The following HUS1 variants were observed in gnomAD, a reference collection of about 807,000 sequenced individuals.
HUS1 encodes checkpoint protein HUS1.
In HUS1, 31 loss-of-function variants were observed where a neutral mutation model predicts 32.6. The ratio of observed to expected loss-of-function variants is 0.95; its 90% CI spans 0.72 to 1.28. The LOEUF is 1.28. Among genes scored for constraint, HUS1 ranks in the 50% most tolerant of loss-of-function variants. The probability of loss-of-function intolerance (pLI) is 0.00; values close to 1 mark genes in which losing one functional copy is unlikely to be tolerated. For missense variants in HUS1, 340 were observed against 337.7 expected, an observed-to-expected ratio of 1.01 and a Z score of -0.05; for synonymous variants, 123 against 116.6, an observed-to-expected ratio of 1.06 and a Z score of -0.36.
chr7:47,975,210 C>A (rs938122233), intron 5 of HUS1, among the ~76,000 whole-genome samples: 3 of 149,874 alleles, frequency 2.0e-5, no homozygotes, highest in African/African-American at 7.4e-5. Flanking sequence ...CCCAGCTACT[C>A]GGGAGGCTGA....
intron 7 of HUS1, among the ~76,000 whole-genome samples, chr7:47,967,224 C>A (rs1180011375): frequency 6.6e-6 from 1 of 152,156 alleles, no homozygotes; most frequent in Non-Finnish European, 1.5e-5. Context: ...AAGCTCTTGG[C>A]AGGTAATGCC....
intron 4 of HUS1, chr7:47,976,517 C>T (rs983557982): frequency 1.6e-5 from 10 of 609,772 alleles, no homozygotes; most frequent in Admixed American, 4.3e-5. Context: ...TGTTACTGAG[C>T]GAGACATTTT....
At chr7:47,972,336 TTG>T (rs1179799701) in intron 5 of HUS1, among the ~76,000 whole-genome samples, 1 of 152,230 alleles carries the variant, frequency 6.6e-6, no homozygotes, top group African/African-American at 2.4e-5. Flanking sequence ...AAATGTTCTC[TTG>T]TGTTTTCTTC....
chr7:47,963,648 C>A lies in HUS1; in HGVS notation c.*1708G>T, dbSNP rs775231624. ...AACATAGGCCAGGCGTGGTGGCTCACGCCTGTAATCCCAGCACTTTGAGAG... is the reference window on the plus strand; with the variant it reads ...AACATAGGCCAGGCGTGGTGGCTCAAGCCTGTAATCCCAGCACTTTGAGAG... On this transcript the variant is annotated 3_prime_UTR_variant, in exon 8 of 8. Transcript: ENST00000258774. 6.6e-6 allele frequency: 1 copy of A among 152,178 alleles called. No individual in the cohort carries two copies. The highest frequency in any genetic ancestry group is 1.5e-5 in the Non-Finnish European group (1 of 68,040). The allele number at this position is 152,178 out of a possible 1,614,324, so 9.4% of individuals were successfully genotyped here.
intron 5 of HUS1, among the ~76,000 whole-genome samples, chr7:47,972,232 C>G (rs1378816265): frequency 2.0e-5 from 3 of 152,122 alleles, no homozygotes. Context: ...TCTGTAAATT[C>G]CCATTGTTTT....
chr7:47,966,775 T>C (rs1235111799), intron 7 of HUS1, among the ~76,000 whole-genome samples: 1 of 152,202 alleles, frequency 6.6e-6, no homozygotes, highest in African/African-American at 2.4e-5. Context: ...CCTAGAAATA[T>C]GACATCGTCC....
At chr7:47,974,220 G>A (rs973194896) in intron 5 of HUS1, among the ~76,000 whole-genome samples, 2 of 152,196 alleles carry the variant, frequency 1.3e-5, no homozygotes, top group Non-Finnish European at 2.9e-5. Context: ...GCTGCCTACT[G>A]AGTGGCAATC....
At chr7:47,968,245 C>T (rs1788522442) in intron 6 of HUS1, among the ~76,000 whole-genome samples, 4 of 151,606 alleles carry the variant, frequency 2.6e-5, no homozygotes, top group African/African-American at 7.3e-5. Flanking sequence ...TTAACTAATA[C>T]AAGGCCTGTC....
At chr7:47,971,540 G>A (rs1456085864) in intron 5 of HUS1, 1 of 456,754 alleles carries the variant, frequency 2.2e-6, no homozygotes, top group Non-Finnish European at 4.4e-6. Context: ...ATATGCCACA[G>A]TATGGTTTGA....
At chr7:47,973,178 G>A (rs1037066524) in intron 5 of HUS1, among the ~76,000 whole-genome samples, 2 of 152,324 alleles carry the variant, frequency 1.3e-5, no homozygotes, top group African/African-American at 2.4e-5. Context: ...ACAGGACTGT[G>A]AGTCAATTAA....
intron 6 of HUS1, chr7:47,968,736 A>G (rs1020038156): frequency 9.1e-5 from 14 of 154,258 alleles, no homozygotes; most frequent in African/African-American, 3.4e-4. Flanking sequence ...CACTTGCTGA[A>G]CTGACTCTAT....
chr7:47,970,697 G>A (rs1360141035), intron 5 of HUS1, among the ~76,000 whole-genome samples: 2 of 152,154 alleles, frequency 1.3e-5, no homozygotes, highest in African/African-American at 2.4e-5. Flanking sequence ...AACTGACCCC[G>A]GATGGTCAAG....
chr7:47,970,867 A>G (rs1788584680), intron 5 of HUS1, among the ~76,000 whole-genome samples: 1 of 152,242 alleles, frequency 6.6e-6, no homozygotes, highest in Admixed American at 6.5e-5. Flanking sequence ...AGCCAAACTG[A>G]CATTATAAAC....
rs544634959 is a variant in HUS1 at position 47,972,818 on chromosome 7, G to A, written c.540+2795C>T. ...ATCATGACTCCTAAACATAGACTCT[G>A]GTTTCTATCATTAGGTGACCCTGCA... On this transcript the variant is annotated intron_variant, in intron 5 of 7. Coordinates refer to ENST00000258774, the MANE Select transcript of HUS1 (RefSeq NM_004507.4). Among the ~76,000 whole-genome samples the A allele has an allele frequency of 1.2e-4, 18 of 152,238 alleles. No homozygotes were observed. In the South Asian group the frequency reaches 3.7e-3, roughly 32 times the overall value.
intron 1 of HUS1, 48 bp downstream of exon 1, chr7:47,979,420 C>T (rs761494935): frequency 6.2e-7 from 1 of 1,610,736 alleles, no homozygotes; most frequent in Non-Finnish European, 8.5e-7. Context: ...CGCGCGCTCA[C>T]TGCTTCCTTC....
rs1397738596 is a variant in HUS1 at position 47,965,346 on chromosome 7, C to CGACAGGGT, written c.*2_*9dup. 8.7e-6 allele frequency: 14 copies of CGACAGGGT among 1,600,382 alleles called. No individual in the cohort carries two copies. The highest frequency in any genetic ancestry group is 1.2e-5 in the Non-Finnish European group (14 of 1,167,446). On this transcript the variant is annotated 3_prime_UTR_variant, in exon 8 of 8. Coordinates refer to ENST00000258774, the MANE Select transcript of HUS1 (RefSeq NM_004507.4). Reference sequence around the variant, plus strand: ...CAAAGTCTCTGCATGCCAACTCCAGCGACAGGGTGCTAGGACAGCGCAGGG... The same window carrying CGACAGGGT: ...CAAAGTCTCTGCATGCCAACTCCAGCGACAGGGTGACAGGGTGCTAGGACAGCGCAGGG...
chr7:47,967,872 T>A lies in HUS1; in HGVS notation c.694A>T (p.Ile232Leu), dbSNP rs769018345. The change falls in exon 7 of 8, where the codon ATA becomes TTA. Residue 232 changes from isoleucine to leucine, a missense_variant. Ile to Leu is a conservative substitution (Grantham distance 5). Coordinates refer to ENST00000258774, the MANE Select transcript of HUS1 (RefSeq NM_004507.4). ...RNVEHMAEVH[I>L]DIRKLLQFLA... ...AACTGTAGGAGCTTCCTAATATCTA[T>A]GTGCACTTCAGCCATGTGTTCCACG... is the stretch of plus-strand genomic sequence containing the variant. 2 of 1,614,064 alleles carry A rather than the reference T, an allele frequency of 1.2e-6. No individual in the cohort carries two copies. The highest frequency in any genetic ancestry group is 2.2e-5 in the South Asian group (2 of 91,070).
intron 4 of HUS1, 113 bp downstream of exon 4, chr7:47,976,617 T>C: frequency 1.4e-6 from 1 of 725,252 alleles, no homozygotes; most frequent in African/African-American, 1.8e-5. Flanking sequence ...TCTAATGTTT[T>C]CGTTAAGTAT....
rs1051302184 is a variant in HUS1 at position 47,978,467 on chromosome 7, T to C, written c.307A>G (p.Ile103Val). Residue 103 changes from isoleucine to valine, a missense_variant, in exon 3 of 8, where the codon ATC (isoleucine) becomes GTC (valine). Transcript: ENST00000258774. Reference sequence around the variant, plus strand: ...GGAAAGTGTTTATTAGTCAGTTTGATTTTCAAAGCCCTGGCATTCTGGGCA... The same window carrying C: ...GGAAAGTGTTTATTAGTCAGTTTGACTTTCAAAGCCCTGGCATTCTGGGCA... Reference protein sequence around the residue: ...KTAQNARALKIKLTNKHFPCL... With the variant: ...KTAQNARALKVKLTNKHFPCL... The C allele has an allele frequency of 3.7e-6, 6 of 1,614,252 alleles. 1 individual carries two copies. In the South Asian group the frequency reaches 6.6e-5, roughly 18 times the overall value.
Sources: allele counts gnomAD v4.1 joint callset (sites outside exome capture counted in the v4.1 genomes callset), GRCh38; gene constraint gnomAD v4.1.1; transcripts MANE v1.5; gene names NCBI Gene and HGNC (gene_info 2026-07-23, HGNC 2026-07-21).